Variants in C2CD2L observed in about 807,000 individuals in gnomAD.
The protein encoded by C2CD2L is C2CD2 like.
A neutral mutation model predicts 69.9 loss-of-function variants in C2CD2L; 24 were observed. The observed-to-expected ratio is 0.34, with a 90% CI of 0.25 to 0.48. The LOEUF (loss-of-function observed/expected upper bound fraction) is 0.48, where lower values mean the gene tolerates loss of function less well. Ranked by LOEUF, C2CD2L falls within the 20% of genes least tolerant of loss-of-function variation. The pLI is 0.99. For missense variants in C2CD2L, 811 were observed against 941.5 expected, an observed-to-expected ratio of 0.86 and a Z score of 1.81; for synonymous variants, 367 against 391.0, an observed-to-expected ratio of 0.94 and a Z score of 0.72.
In C2CD2L at chr11:119,113,676, A is replaced by G. The variant is rs760600892; in HGVS notation, c.1453A>G (p.Ser485Gly). The G allele has an allele frequency of 6.2e-7, 1 of 1,613,754 alleles. No individual in the cohort carries two copies. The highest frequency in any genetic ancestry group is 8.5e-7 in the Non-Finnish European group (1 of 1,179,898). ...GAAGACGACAACTGTGCTGAGTGAG[A>G]GCAGTGGCCCCAGCAATACCTCCCA... ...TEKTTTVLSESSGPSNTSHSS... is the reference protein window; with the variant it reads ...TEKTTTVLSEGSGPSNTSHSS... The change falls in exon 11 of 14, where the codon AGC (serine) becomes GGC (glycine). Residue 485 changes from serine (S) to glycine (G), a missense_variant. Coordinates refer to ENST00000648610, the MANE Select transcript of C2CD2L (RefSeq NM_001290474.2).
At chr11:119,106,764 C>T (rs557378994), upstream of C2CD2L, 33 of 152,324 alleles carry the variant, frequency 2.2e-4, no homozygotes, top group African/African-American at 7.5e-4. Context: ...CAAACCTACA[C>T]GAGCAAGGAG....
Position 119,117,091 on chromosome 11 carries a change from A to T in C2CD2L, c.*835A>T, listed in dbSNP as rs1412897870. On this transcript the variant is annotated 3_prime_UTR_variant, in exon 14 of 14. Transcript: ENST00000648610. Reference sequence around the variant, plus strand: ...ATTGCTGTGTGATGGCTTGGAATTTAATTTATTAAAGTCAAATTGGAGTTT... The same window carrying T: ...ATTGCTGTGTGATGGCTTGGAATTTTATTTATTAAAGTCAAATTGGAGTTT... 1 of 152,632 alleles carries T rather than the reference A, an allele frequency of 6.6e-6. No homozygotes were observed. The highest frequency in any genetic ancestry group is 1.5e-5 in the Non-Finnish European group (1 of 68,052). The allele number at this position is 152,632 out of a possible 1,614,324, so 9.5% of individuals were successfully genotyped here. A position where few individuals can be genotyped will look rare whatever the true frequency, so the allele number is the denominator to read the frequency against.
At chr11:119,106,568 T>C (rs1278984406), upstream of C2CD2L, 2 of 152,200 alleles carry the variant, frequency 1.3e-5, no homozygotes, top group Non-Finnish European at 2.9e-5. Flanking sequence ...TGGGAGCTTG[T>C]TGGGATATCA....
At chr11:119,102,860 CTTTTTTTTTTTTTT>C (rs141575057), upstream of C2CD2L, among the ~76,000 whole-genome samples, 2 of 43,412 alleles carry the variant, frequency 4.6e-5, no homozygotes, top group African/African-American at 1.8e-4. Flanking sequence ...AATTCACCAG[CTTTTTTTTTTTTTT>C]TTTTTTTTTT....
chr11:119,116,433 G>A lies in C2CD2L; in HGVS notation c.*177G>A, dbSNP rs1946895163. 1.6e-6 allele frequency: 1 copy of A among 612,776 alleles called. No individual in the cohort carries two copies. Among genetic ancestry groups the A allele is most frequent in the Admixed American group, 2.9e-5 (1 of 34,446 alleles). The allele number at this position is 612,776 out of a possible 1,614,324, so 38.0% of individuals were successfully genotyped here. A position where few individuals can be genotyped will look rare whatever the true frequency, so the allele number is the denominator to read the frequency against. ...TACTTGGAACGGGAAGCACATGAGA[G>A]GTGGGCACCCGGTGCCGAGGACATG... On this transcript the variant is annotated 3_prime_UTR_variant, in exon 14 of 14. Transcript: ENST00000648610.
intron 11 of C2CD2L, 47 bp from the exon 12 acceptor site, chr11:119,113,808 A>G (rs778174251): frequency 6.2e-7 from 1 of 1,611,894 alleles, no homozygotes; most frequent in South Asian, 1.1e-5. Flanking sequence ...CAATCCAAGA[A>G]AGAGCCAGGG....
upstream of C2CD2L, among the ~76,000 whole-genome samples, chr11:119,104,877 G>A (rs1946554994): frequency 6.6e-6 from 1 of 152,180 alleles, no homozygotes; most frequent in African/African-American, 2.4e-5. Context: ...TCTATCTGTG[G>A]CTCTGTCCAG....
upstream of C2CD2L, among the ~76,000 whole-genome samples, chr11:119,102,860 CTTTTTTTTTT>C (rs141575057): frequency 7.6e-4 from 33 of 43,454 alleles, no homozygotes; most frequent in South Asian, 1.5e-3. Context: ...AATTCACCAG[CTTTTTTTTTT>C]TTTTTTTTTT....
intron 7 of C2CD2L, 56 bp from the exon 8 acceptor site, chr11:119,112,272 T>C: frequency 1.3e-6 from 2 of 1,496,924 alleles, no homozygotes; most frequent in South Asian, 2.3e-5. Context: ...TCCACTCAAG[T>C]GTGGGTTCAG....
chr11:119,112,547 TTGTGCCCACTCACCCCAGGGCCAGG>T lies in C2CD2L; in HGVS notation c.1151_1175del (p.Leu384Ter). 1 of 1,613,426 alleles carries T rather than the reference TTGTGCCCACTCACCCCAGGGCCAGG, an allele frequency of 6.2e-7. No homozygotes were observed. Among genetic ancestry groups the T allele is most frequent in the Non-Finnish European group, 8.5e-7 (1 of 1,179,824 alleles). On this transcript the variant is annotated frameshift_variant, in exon 9 of 14. Coordinates refer to ENST00000648610, the MANE Select transcript of C2CD2L (RefSeq NM_001290474.2). LOFTEE classifies it high-confidence loss of function. ...CTCCAGACCACTGTCTCGAAGACAG[TTGTGCCCACTCACCCCAGGGCCAGG>T]GAAAGCCCTGGGACCAGCAGCCACC...
intron 10 of C2CD2L, 34 bp from the exon 11 acceptor site, chr11:119,113,577 A>C (rs4938630): frequency 0.93 from 1,482,490 of 1,594,272 alleles, 691,611 homozygotes; most frequent in African/African-American, 0.97. Context: ...CTCTGAAGCA[A>C]CTCCCAGCTC....
At chr11:119,113,479 C>A in intron 10 of C2CD2L, 132 bp from the exon 11 acceptor site, 6 of 1,374,826 alleles carry the variant, frequency 4.4e-6, no homozygotes, top group Non-Finnish European at 5.9e-6. Flanking sequence ...TTCCTAATCA[C>A]CCTTGTGATT....
Position 119,112,376 on chromosome 11 carries a change from C to A in C2CD2L, c.1068C>A (p.Ser356Arg). 6.2e-7 allele frequency: 1 copy of A among 1,613,708 alleles called. No homozygotes were observed. Among genetic ancestry groups the A allele is most frequent in the Non-Finnish European group, 8.5e-7 (1 of 1,179,880 alleles). ...AGCTGACCCTCAAAGTGCTGAGGAG[C>A]AGCAGCTGTGGAGACAGTAAGTGAG... is the stretch of plus-strand genomic sequence containing the variant. ...SRELTLKVLR[S>R]SSCGDTELLG... Residue 356 changes from serine to arginine, a missense_variant, in exon 8 of 14, where the codon AGC (serine) becomes AGA (arginine). Coordinates refer to ENST00000648610, the MANE Select transcript of C2CD2L (RefSeq NM_001290474.2).
chr11:119,113,104 C>T (rs1946794135), intron 10 of C2CD2L: 1 of 584,660 alleles, frequency 1.7e-6, no homozygotes, highest in South Asian at 2.0e-5. Context: ...CTGGATCCTC[C>T]TGCCCCTCCT....
chr11:119,108,156 C>A, intron 1 of C2CD2L, 61 bp downstream of exon 1: 2 of 1,186,130 alleles, frequency 1.7e-6, no homozygotes, highest in Non-Finnish European at 2.4e-6. Context: ...GAGGGACTGA[C>A]TGCTCGTGCT....
rs368347053 is a variant in C2CD2L, at chr11:119,116,260, C to A, written c.*4C>A. On this transcript the variant is annotated 3_prime_UTR_variant, in exon 14 of 14. Transcript: ENST00000648610. Reference sequence around the variant, plus strand: ...TAACCCCAGCCCCCAGCTCTGAGGACCCAGCTCTGAAAGGGCACGAGTTCT... The same window carrying A: ...TAACCCCAGCCCCCAGCTCTGAGGAACCAGCTCTGAAAGGGCACGAGTTCT... The A allele has an allele frequency of 6.2e-7, 1 of 1,609,282 alleles. No homozygotes were observed. The highest frequency in any genetic ancestry group is 1.3e-5 in the African/African-American group (1 of 74,998).
At chr11:119,102,646 C>A (rs1482908454), upstream of C2CD2L, among the ~76,000 whole-genome samples, 4 of 151,908 alleles carry the variant, frequency 2.6e-5, no homozygotes, top group Admixed American at 2.6e-4. Context: ...CTGCATTGTA[C>A]CTAGCTCCCA....
In C2CD2L at chr11:119,107,895, T is replaced by C; in HGVS notation, c.154T>C (p.Leu52=). ...ARGDRGPGPA[L]AGEPAGSLRE... is the part of the protein sequence containing the mutation. Reference sequence around the variant, plus strand: ...CGGGGACCGGGGCCCGGGACCCGCCTTAGCCGGGGAACCCGCGGGTTCCCT... The same window carrying C: ...CGGGGACCGGGGCCCGGGACCCGCCCTAGCCGGGGAACCCGCGGGTTCCCT... Residue 52 remains leucine, a synonymous_variant, in exon 1 of 14, where the codon TTA becomes CTA. Transcript: ENST00000648610. The surrounding 1 kb of genome is among the most constrained non-coding windows in gnomAD (Gnocchi z 5.4). 1 of 1,523,086 alleles carries C rather than the reference T, an allele frequency of 6.6e-7. No homozygotes were observed. The highest frequency in any genetic ancestry group is 1.2e-5 in the South Asian group (1 of 82,626). The allele number at this position is 1,523,086 out of a possible 1,614,324, so 94.3% of individuals were successfully genotyped here. A position where few individuals can be genotyped will look rare whatever the true frequency, so the allele number is the denominator to read the frequency against.
chr11:119,105,483 A>G (rs1442535536), upstream of C2CD2L, among the ~76,000 whole-genome samples: 1 of 152,044 alleles, frequency 6.6e-6, no homozygotes, highest in African/African-American at 2.4e-5. Context: ...TACTAAAAAT[A>G]ACAAAAATTA....
Sources: allele counts gnomAD v4.1 joint callset (sites outside exome capture counted in the v4.1 genomes callset), GRCh38; gene constraint gnomAD v4.1.1; non-coding constraint Gnocchi (gnomAD v3.1); transcripts MANE v1.5; gene names NCBI Gene and HGNC (gene_info 2026-07-23, HGNC 2026-07-21).